The following MUC17 variants were observed in gnomAD, a reference collection of about 807,000 sequenced individuals.
MUC17 encodes the protein mucin-17.
MUC17 carries 190 observed loss-of-function variants against 170.3 expected under a neutral mutation model. That is an observed-to-expected ratio of 1.12 (90% confidence interval 0.99 to 1.26). The LOEUF is 1.26. MUC17 is among the 50% of genes most tolerant of loss of function. MUC17 has a pLI of 0.00. For synonymous variants in MUC17, 2,325 were observed against 2,002.5 expected, an observed-to-expected ratio of 1.16 and a Z score of -4.30; for missense variants, 6,415 against 5,530.0, an observed-to-expected ratio of 1.16 and a Z score of -5.08.
intron 7 of MUC17, among the ~76,000 whole-genome samples, chr7:101,050,932 C>T (rs1031624815): frequency 6.6e-6 from 1 of 151,996 alleles, no homozygotes; most frequent in African/African-American, 2.4e-5. Context: ...ACCTGCAAGG[C>T]CAGACATACA....
At chr7:101,031,076 A>G (rs1255398829) in intron 1 of MUC17, 44 bp from the exon 2 acceptor site, 2 of 1,573,142 alleles carry the variant, frequency 1.3e-6, no homozygotes, top group East Asian at 2.3e-5. Context: ...AGAATGAAGG[A>G]AGATCATGGC....
intron 9 of MUC17, among the ~76,000 whole-genome samples, chr7:101,052,554 A>G (rs550012679): frequency 6.6e-6 from 1 of 152,284 alleles, no homozygotes; most frequent in East Asian, 1.9e-4. Flanking sequence ...AGGGCATCTC[A>G]AGGCAGCAGG....
intron 11 of MUC17, among the ~76,000 whole-genome samples, chr7:101,054,078 A>G (rs1795007553): frequency 6.7e-6 from 1 of 148,642 alleles, no homozygotes; most frequent in Admixed American, 6.7e-5. Context: ...AAAAAAAAAA[A>G]AAAAAAAAAA....
chr7:101,057,936 C>T (rs1795076612), intron 12 of MUC17, 67 bp from the exon 13 acceptor site: 1 of 1,400,768 alleles, frequency 7.1e-7, no homozygotes, highest in African/African-American at 1.4e-5. Flanking sequence ...CCCAATCCTC[C>T]TTATGCTTCC....
Position 101,039,954 on chromosome 7 carries a change from A to C in MUC17, c.8538A>C (p.Lys2846Asn), listed in dbSNP as rs754798624. 1 of 1,613,606 alleles carries C rather than the reference A, an allele frequency of 6.2e-7. No individual in the cohort carries two copies. The highest frequency in any genetic ancestry group is 8.5e-7 in the Non-Finnish European group (1 of 1,179,834). ...DTSTPVTTST[K>N]ASSSPTTAEG... ...GCACACCTGTGACCACTTCTACTAA[A>C]GCCAGTTCATCTCCTACAACTGCTG... The change falls in exon 3 of 13, where the codon AAA (lysine) becomes AAC (asparagine). Residue 2846 changes from lysine to asparagine, a missense_variant. Coordinates refer to ENST00000306151, the MANE Select transcript of MUC17 (RefSeq NM_001040105.2).
Position 101,034,010 on chromosome 7 carries a change from C to T in MUC17, c.2594C>T (p.Thr865Ile). 6.2e-7 allele frequency: 1 copy of T among 1,602,790 alleles called. No individual in the cohort carries two copies. The highest frequency in any genetic ancestry group is 8.5e-7 in the Non-Finnish European group (1 of 1,173,838). The change falls in exon 3 of 13, where the codon ACT becomes ATT. Residue 865 changes from threonine to isoleucine, a missense_variant. Coordinates refer to ENST00000306151, the MANE Select transcript of MUC17 (RefSeq NM_001040105.2). The stretch of plus-strand genomic sequence containing the variant: ...ACCTCAACTTATAGTGAAGGAAGAA[C>T]TCCTTTAACAAGTATGCCTGTCAGC... Reference protein sequence around the residue: ...MPTSTYSEGRTPLTSMPVSTT... With the variant: ...MPTSTYSEGRIPLTSMPVSTT...
intron 4 of MUC17, 133 bp downstream of exon 4, chr7:101,048,248 T>C (rs1254741695): frequency 1.2e-5 from 10 of 835,336 alleles, no homozygotes; most frequent in African/African-American, 3.6e-5. Context: ...TTTTGTTTTG[T>C]TTTGTTTTGT....
rs1794571890 is a variant in MUC17 at position 101,038,592 on chromosome 7, T to C, written c.7176T>C (p.Tyr2392=). ...ATACTAGCATGCCAACCTCAACTTA[T>C]AGTGAAGGAAGCACTCCACTAACAA... The part of the protein sequence containing the change: ...ADDTSMPTST[Y]SEGSTPLTSV... The change falls in exon 3 of 13, where the codon TAT becomes TAC. Residue 2392 remains tyrosine (Y), a synonymous_variant. Transcript: ENST00000306151. 27 of 1,613,998 alleles carry C rather than the reference T, an allele frequency of 1.7e-5. No homozygotes were observed. Among genetic ancestry groups the C allele is most frequent in the African/African-American group, 2.7e-5 (2 of 74,906 alleles).
rs1794489642 is a variant in MUC17, at chr7:101,036,649, A to G, written c.5233A>G (p.Ser1745Gly). The G allele has an allele frequency of 1.9e-6, 3 of 1,612,676 alleles. No homozygotes were observed. The highest frequency in any genetic ancestry group is 2.5e-6 in the Non-Finnish European group (3 of 1,179,626). Residue 1745 changes from serine (S) to glycine (G), a missense_variant, in exon 3 of 13, where the codon AGT becomes GGT. Transcript: ENST00000306151. The stretch of plus-strand genomic sequence containing the variant: ...TACCAGCATGCCAAACTCAACTCCT[A>G]GTGAAGGAACCACTCCATTAACAAG... ...EGTSMPNSTP[S>G]EGTTPLTSIP...
At position 101,037,784 on chromosome 7, in the gene MUC17, C is replaced by G; in HGVS notation, c.6368C>G (p.Ser2123Ter). Reference sequence around the variant, plus strand: ...GCCAGTCCTGAGGCTAGCACCCTTTCAACAACTCCTGTTGACTCCAACAGT... The same window carrying G: ...GCCAGTCCTGAGGCTAGCACCCTTTGAACAACTCCTGTTGACTCCAACAGT... The part of the protein sequence containing the change: ...PVASPEASTL[S>*]TTPVDSNSPV... Residue 2123 changes from serine (S) to a stop codon, truncating the protein, a stop_gained, in exon 3 of 13, where the codon TCA (serine) becomes TGA (stop). Transcript: ENST00000306151. LOFTEE classifies it high-confidence loss of function. 2 of 1,613,042 alleles carry G rather than the reference C, an allele frequency of 1.2e-6. No individual in the cohort carries two copies. The highest frequency in any genetic ancestry group is 1.7e-6 in the Non-Finnish European group (2 of 1,179,304).
chr7:101,038,629 A>G lies in MUC17; in HGVS notation c.7213A>G (p.Ser2405Gly), dbSNP rs368854986. ...CACTCCACTAACAAGTGTGCCTGTC[A>G]GCACCATGCCGGTGGTCAGTTCTGA... ...GSTPLTSVPV[S>G]TMPVVSSEAS... Residue 2405 changes from serine to glycine, a missense_variant, in exon 3 of 13, where the codon AGC (serine) becomes GGC (glycine). By Grantham distance (56) the Ser-to-Gly change is moderately conservative. Coordinates refer to ENST00000306151, the MANE Select transcript of MUC17 (RefSeq NM_001040105.2). 3.2e-5 allele frequency: 51 copies of G among 1,614,058 alleles called. 1 individual carries two copies. The highest frequency in any genetic ancestry group is 4.3e-5 in the Non-Finnish European group (51 of 1,180,046).
intron 1 of MUC17, among the ~76,000 whole-genome samples, chr7:101,024,570 G>A (rs1794148411): frequency 6.6e-6 from 1 of 152,056 alleles, no homozygotes; most frequent in Non-Finnish European, 1.5e-5. Context: ...TGCCTGGTCT[G>A]CGGGGCCTCA....
chr7:101,053,448 C>G lies in MUC17; in HGVS notation c.13363+12C>G, dbSNP rs1380599053. 1.2e-6 allele frequency: 2 copies of G among 1,604,760 alleles called. No homozygotes were observed. Among genetic ancestry groups the G allele is most frequent in the Admixed American group, 3.3e-5 (2 of 59,806 alleles). On this transcript the variant is annotated intron_variant, in intron 11 of 12. Transcript: ENST00000306151. ...TGACATCTGCCAAGGTATTGGCCTT[C>G]CTCTCTGAACTCAGAATGGCTCAAA... is the stretch of plus-strand genomic sequence containing the variant.
chr7:101,054,057 C>CAAAAAAAAAAAAAAAAAAAAA, intron 11 of MUC17, among the ~76,000 whole-genome samples: 1 of 40,354 alleles, frequency 2.5e-5, no homozygotes, highest in Non-Finnish European at 4.3e-5. Flanking sequence ...AAGACCCTGT[C>CAAAAAAAAAAAAAAAAAAAAA]AAAAAAAAAA....
Position 101,032,164 on chromosome 7 carries a change from T to C in MUC17, c.748T>C (p.Ser250Pro). The C allele has an allele frequency of 1.2e-6, 2 of 1,613,840 alleles. No individual in the cohort carries two copies. Among genetic ancestry groups the C allele is most frequent in the Non-Finnish European group, 1.7e-6 (2 of 1,179,972 alleles). ...PVEISTPVTI[S>P]AQASSSPTTA... The stretch of plus-strand genomic sequence containing the variant: ...TGAAATCAGCACACCTGTGACCATT[T>C]CTGCTCAAGCCAGTTCATCTCCTAC... Residue 250 changes from serine (S) to proline (P), a missense_variant, in exon 3 of 13, where the codon TCT becomes CCT. Transcript: ENST00000306151.
intron 7 of MUC17, 32 bp downstream of exon 7, chr7:101,050,667 G>A: frequency 6.2e-7 from 1 of 1,605,484 alleles, no homozygotes; most frequent in Non-Finnish European, 8.5e-7. Context: ...AGGGAAGGGA[G>A]AAGGCATCAG....
intron 3 of MUC17, among the ~76,000 whole-genome samples, chr7:101,046,682 G>A (rs1794847147): frequency 6.6e-6 from 1 of 152,110 alleles, no homozygotes; most frequent in Admixed American, 6.5e-5. Context: ...GGAGGCTAGG[G>A]TGGGAGGATT....
Position 101,040,357 on chromosome 7 carries a change from A to G in MUC17, c.8941A>G (p.Thr2981Ala). The G allele has an allele frequency of 6.2e-7, 1 of 1,610,864 alleles. No individual in the cohort carries two copies. Among genetic ancestry groups the G allele is most frequent in the Non-Finnish European group, 8.5e-7 (1 of 1,179,132 alleles). The change falls in exon 3 of 13, where the codon ACT (threonine) becomes GCT (alanine). Residue 2981 changes from threonine to alanine, a missense_variant. Thr to Ala is a moderately conservative substitution (Grantham distance 58, BLOSUM62 0). Coordinates refer to ENST00000306151, the MANE Select transcript of MUC17 (RefSeq NM_001040105.2). ...TGAAGGTACCAGCATGCCAATCTCA[A>G]CTCCTGGCGAAAGAAGAACTCCATT... ...TAEGTSMPIS[T>A]PGERRTPLTS...
chr7:101,045,279 G>C (rs2116463913), intron 3 of MUC17, among the ~76,000 whole-genome samples: 1 of 152,278 alleles, frequency 6.6e-6, no homozygotes, highest in South Asian at 2.1e-4. Flanking sequence ...ATCTTGAATT[G>C]ATGATGATGA....
Sources: gnomAD v4.1 joint callset for allele counts (sites outside exome capture counted in the v4.1 genomes callset) on GRCh38, gnomAD v4.1.1 for gene constraint, MANE v1.5 for transcripts, NCBI Gene and HGNC (gene_info 2026-07-23, HGNC 2026-07-21) for gene names.